The following DCAF8L2 variants were observed in gnomAD, a reference collection of about 807,000 sequenced individuals.
The protein encoded by DCAF8L2 is DDB1- and CUL4-associated factor 8-like protein 2.
For synonymous variants in DCAF8L2, 200 were observed against 190.9 expected, an observed-to-expected ratio of 1.05 and a Z score of -0.39; for missense variants, 430 against 490.7, an observed-to-expected ratio of 0.88 and a Z score of 1.17.
chrX:27,682,001 T>C (rs1930345690), intron 3 of DCAF8L2, among the ~76,000 whole-genome samples: 1 of 111,859 alleles, frequency 8.9e-6, no homozygotes. Context: ...TCTCGCTCTG[T>C]CACCCAGTCT....
intron 1 of DCAF8L2, among the ~76,000 whole-genome samples, chrX:27,622,175 C>T (rs1346390835): frequency 9.1e-6 from 1 of 110,451 alleles, no homozygotes; most frequent in African/African-American, 3.3e-5. Context: ...TGTATAAGAA[C>T]ATCATTTGGG....
the DCAF8L2 span, among the ~76,000 whole-genome samples, chrX:27,510,450 T>C: frequency 2.8e-5 from 3 of 106,718 alleles, no homozygotes; most frequent in African/African-American, 1.0e-4. Flanking sequence ...ACATATAGAA[T>C]AAAAAGGAAG....
the DCAF8L2 span, among the ~76,000 whole-genome samples, chrX:27,529,137 C>T: frequency 9.0e-6 from 1 of 111,450 alleles, no homozygotes; most frequent in South Asian, 3.8e-4. Flanking sequence ...GCCAAGACCC[C>T]CTGTCAATTT....
At chrX:27,528,499 TATAC>T in the DCAF8L2 span, among the ~76,000 whole-genome samples, 58 of 102,969 alleles carry the variant, frequency 5.6e-4, no homozygotes, top group Middle Eastern at 5.1e-3. Context: ...TATATATATA[TATAC>T]ACACACACAC....
chrX:27,632,540 G>A (rs894539960), intron 2 of DCAF8L2: 2 of 111,415 alleles, frequency 1.8e-5, no homozygotes, highest in African/African-American at 3.3e-5. Context: ...TCACAAACAC[G>A]AGGCATTTTA....
chrX:27,658,003 C>G lies in DCAF8L2; in HGVS notation c.-219-19833C>G, dbSNP rs183938540. Reference sequence around the variant, plus strand: ...GTAGAAATATAAGCAGACCCCTAATCCGTGCATTTTTTGTTGCCTTCTTGG... The same window carrying G: ...GTAGAAATATAAGCAGACCCCTAATGCGTGCATTTTTTGTTGCCTTCTTGG... On this transcript the variant is annotated intron_variant, in intron 2 of 4. Transcript: ENST00000451261. Among the ~76,000 whole-genome samples the G allele has an allele frequency of 4.3e-3, 487 of 112,463 alleles. 4 individuals are homozygous for G. Among genetic ancestry groups the G allele is most frequent in the African/African-American group, 0.015 (468 of 31,021 alleles).
At chrX:27,497,511 TC>T in the DCAF8L2 span, among the ~76,000 whole-genome samples, 9 of 45,030 alleles carry the variant, frequency 2.0e-4, no homozygotes, top group Admixed American at 7.5e-4. Flanking sequence ...TTTCTTTCTT[TC>T]CTTCCTTCCT....
chrX:27,530,965 A>T, the DCAF8L2 span, among the ~76,000 whole-genome samples: 1 of 111,381 alleles, frequency 9.0e-6, no homozygotes, highest in East Asian at 2.8e-4. Context: ...TCCCCTGATG[A>T]CCAGTATTGG....
At chrX:27,638,707 C>T (rs1357158572) in intron 2 of DCAF8L2, among the ~76,000 whole-genome samples, 1 of 111,737 alleles carries the variant, frequency 8.9e-6, no homozygotes, top group Non-Finnish European at 1.9e-5. Context: ...TACAGATGAA[C>T]AGTCAAGAAC....
intron 3 of DCAF8L2, among the ~76,000 whole-genome samples, chrX:27,715,243 T>G (rs1177839449): frequency 9.2e-6 from 1 of 109,066 alleles, no homozygotes; most frequent in Non-Finnish European, 1.9e-5. Flanking sequence ...ATACAAAAAA[T>G]TAGCTGGGTT....
chrX:27,554,590 C>G, the DCAF8L2 span, among the ~76,000 whole-genome samples: 2 of 111,975 alleles, frequency 1.8e-5, no homozygotes, highest in Admixed American at 1.9e-4. Context: ...GGTATGGATT[C>G]TAGAGCAAGC....
upstream of DCAF8L2, among the ~76,000 whole-genome samples, chrX:27,586,473 A>C (rs1925905652): frequency 9.0e-6 from 1 of 111,436 alleles, no homozygotes; most frequent in Admixed American, 9.6e-5. Flanking sequence ...TTTTGCACCA[A>C]CATAATGGTA....
intron 4 of DCAF8L2, among the ~76,000 whole-genome samples, chrX:27,719,729 G>A: frequency 9.0e-6 from 1 of 111,575 alleles, no homozygotes; most frequent in Non-Finnish European, 1.9e-5. Flanking sequence ...ACAGGCGTGA[G>A]CCACTGTGCC....
rs756510078 is a variant in DCAF8L2 at position 27,748,445 on chromosome X, A to G, written c.1550A>G (p.Asn517Ser). ...AAGGGGAGCAGAGAAGGTACAATAA[A>G]CTGTCTTGAACCCCACCCTTACCTA... ...FLKGSREGTI[N>S]CLEPHPYLPV... The change falls in exon 5 of 5, where the codon AAC (asparagine) becomes AGC (serine). Residue 517 changes from asparagine to serine, a missense_variant. Coordinates refer to ENST00000451261, the MANE Select transcript of DCAF8L2 (RefSeq NM_001353450.2). The G allele has an allele frequency of 2.1e-5, 25 of 1,205,850 alleles. No individual in the cohort carries two copies. Among genetic ancestry groups the G allele is most frequent in the Non-Finnish European group, 2.1e-5 (19 of 892,695 alleles).
the DCAF8L2 span, among the ~76,000 whole-genome samples, chrX:27,572,944 A>T: frequency 3.6e-5 from 4 of 111,514 alleles, no homozygotes; most frequent in Admixed American, 3.8e-4. Context: ...TCCTAGAATG[A>T]TCTTCCTCTA....
intron 1 of DCAF8L2, among the ~76,000 whole-genome samples, chrX:27,611,986 T>C (rs947114225): frequency 1.8e-5 from 2 of 111,550 alleles, no homozygotes; most frequent in Non-Finnish European, 3.8e-5. Context: ...TCAAATGGTA[T>C]TTCTAGTTCT....
chrX:27,747,658 T>A lies in DCAF8L2; in HGVS notation c.763T>A (p.Trp255Arg). ...CGGTGATGACCTAAAGGTGATAGTG[T>A]GGGACTGGGTGCGGCAGAGGCCAGT... ...SSGDDLKVIV[W>R]DWVRQRPVLN... Residue 255 changes from tryptophan to arginine, a missense_variant, in exon 5 of 5, where the codon TGG becomes AGG. Coordinates refer to ENST00000451261, the MANE Select transcript of DCAF8L2 (RefSeq NM_001353450.2). 1 of 1,210,028 alleles carries A rather than the reference T, an allele frequency of 8.3e-7. No individual in the cohort carries two copies. Among genetic ancestry groups the A allele is most frequent in the African/African-American group, 1.7e-5 (1 of 57,857 alleles).
chrX:27,641,467 A>C (rs28808569), intron 2 of DCAF8L2, among the ~76,000 whole-genome samples: 1,791 of 39,973 alleles, frequency 0.045, 23 homozygotes, highest in Middle Eastern at 0.12. Context: ...CCTTTTCTTT[A>C]CTTTTCTTTT....
At chrX:27,652,190 C>A (rs111500985) in intron 2 of DCAF8L2, among the ~76,000 whole-genome samples, 3,714 of 111,214 alleles carry the variant, frequency 0.033, 72 homozygotes, top group Middle Eastern at 0.066. Context: ...TAAAAGCTAG[C>A]TACTTCCCTC....
Sources: allele counts gnomAD v4.1 joint callset (sites outside exome capture counted in the v4.1 genomes callset), GRCh38; gene constraint gnomAD v4.1.1; transcripts MANE v1.5; gene names NCBI Gene and HGNC (gene_info 2026-07-23, HGNC 2026-07-21).